BSCL2: variants seen among roughly 807,000 people sequenced by gnomAD.
BSCL2 encodes BSCL2 lipid droplet biogenesis associated, seipin.
In BSCL2, 41 loss-of-function variants were observed where a neutral mutation model predicts 57.4. The observed-to-expected ratio is 0.71, with a 90% confidence interval of 0.56 to 0.93. BSCL2 has a LOEUF of 0.93. BSCL2 is among the 40% of genes least tolerant of loss of function. BSCL2 has a pLI of 0.00. For missense variants in BSCL2, 539 were observed against 586.7 expected, an observed-to-expected ratio of 0.92 and a Z score of 0.84; for synonymous variants, 237 against 227.3, an observed-to-expected ratio of 1.04 and a Z score of -0.38.
chr11:62,708,934 T>A, upstream of BSCL2: 1 of 749,968 alleles, frequency 1.3e-6, no homozygotes. Flanking sequence ...CATGTGAGGT[T>A]ATCTGAAGCA....
At position 62,696,236 on chromosome 11, in the gene BSCL2, C is replaced by G. The variant is rs533558076; in HGVS notation, c.487-1525G>C. ...TGGATTCCATGAGATTCCTACCCCC[C>G]TGTAGAGACCAGATGATTAAGCCAG... On this transcript the variant is annotated intron_variant, in intron 3 of 10. Transcript: ENST00000360796. Among the ~76,000 whole-genome samples the G allele has an allele frequency of 7.3e-5, 11 of 151,402 alleles. No individual in the cohort carries two copies. The East Asian group carries it at 1.9e-3, about 27-fold the overall frequency.
Position 62,702,444 on chromosome 11 carries a change from CCTCT to C in BSCL2, c.486+20_486+23del. 1 of 1,589,978 alleles carries C rather than the reference CCTCT, an allele frequency of 6.3e-7. No individual in the cohort carries two copies. The highest frequency in any genetic ancestry group is 8.6e-7 in the Non-Finnish European group (1 of 1,159,356). ...TTGAGTCATCAAAGCTCTAATGAAACCTCTCTCTAGTTCCCATACTCACCCGATC... is the reference window on the plus strand; with the variant it reads ...TTGAGTCATCAAAGCTCTAATGAAACCTCTAGTTCCCATACTCACCCGATC... On this transcript the variant is annotated intron_variant, in intron 3 of 10. Coordinates refer to ENST00000360796, the MANE Select transcript of BSCL2 (RefSeq NM_001122955.4).
intron 3 of BSCL2, among the ~76,000 whole-genome samples, chr11:62,696,005 T>G (rs983314920): frequency 3.3e-5 from 5 of 152,002 alleles, no homozygotes; most frequent in African/African-American, 1.2e-4. Flanking sequence ...AAACTCTGTC[T>G]CTACTAAAAA....
chr11:62,705,648 C>T (rs750250791), intron 1 of BSCL2, 31 bp from the exon 2 acceptor site: 12 of 1,475,174 alleles, frequency 8.1e-6, no homozygotes, highest in Non-Finnish European at 1.1e-5. Context: ...AAAAGAGTGA[C>T]TCCTTTCCCC....
intron 4 of BSCL2, 93 bp downstream of exon 4, chr11:62,694,475 G>A: frequency 6.3e-7 from 1 of 1,588,584 alleles, no homozygotes; most frequent in African/African-American, 1.3e-5. Context: ...AAACTGCTGG[G>A]ATTATAGGCC....
intron 4 of BSCL2, 52 bp from the exon 5 acceptor site, chr11:62,692,849 T>C: frequency 6.2e-7 from 1 of 1,608,552 alleles, no homozygotes; most frequent in South Asian, 1.1e-5. Context: ...CAGATCCCCA[T>C]GACCCTACCT....
chr11:62,691,418 G>A lies in BSCL2; in HGVS notation c.867C>T (p.Tyr289=), dbSNP rs1282057631. The A allele has an allele frequency of 1.2e-6, 2 of 1,614,162 alleles. No homozygotes were observed. The highest frequency in any genetic ancestry group is 8.5e-7 in the Non-Finnish European group (1 of 1,180,022). The part of the protein sequence containing the change: ...RIHAHFTGLR[Y]LLYNFPMTCA... ...AGGTCATCGGGAAGTTGTATAGCAG[G>A]TATCTGAGGCAGGAAGTAGGGACAA... The change falls in exon 7 of 11, where the codon TAC becomes TAT. Residue 289 remains tyrosine (Y), a synonymous_variant. Coordinates refer to ENST00000360796, the MANE Select transcript of BSCL2 (RefSeq NM_001122955.4).
intron 3 of BSCL2, among the ~76,000 whole-genome samples, chr11:62,697,116 C>T (rs1016643948): frequency 7.2e-4 from 109 of 151,978 alleles, no homozygotes; most frequent in African/African-American, 2.5e-3. Context: ...CCATGCCGGC[C>T]GGGCGCGGTG....
At chr11:62,691,925 G>A (rs1290340532) in intron 6 of BSCL2, among the ~76,000 whole-genome samples, 2 of 152,034 alleles carry the variant, frequency 1.3e-5, no homozygotes, top group Admixed American at 6.6e-5. Context: ...GGTCGCAGGC[G>A]CCTGTAGTCC....
At chr11:62,709,449 A>G (rs1008684566), upstream of BSCL2, 1 of 453,852 alleles carries the variant, frequency 2.2e-6, no homozygotes, top group Admixed American at 2.4e-5. Context: ...AAAGGTAAAC[A>G]GGCCGAAGAG....
At chr11:62,705,215 G>A in intron 2 of BSCL2, 86 bp downstream of exon 2, 2 of 1,388,530 alleles carry the variant, frequency 1.4e-6, no homozygotes, top group Non-Finnish European at 2.0e-6. Flanking sequence ...TTCCTTATCT[G>A]TAAATGAGGG....
intron 4 of BSCL2, among the ~76,000 whole-genome samples, chr11:62,693,453 G>A (rs1012072571): frequency 6.6e-6 from 1 of 152,046 alleles, no homozygotes; most frequent in African/African-American, 2.4e-5. Flanking sequence ...GCCGTGAGCC[G>A]AGATCACGCC....
At chr11:62,692,568 T>C (rs1234352250) in intron 5 of BSCL2, 95 bp from the exon 6 acceptor site, 12 of 1,612,106 alleles carry the variant, frequency 7.4e-6, no homozygotes, top group Non-Finnish European at 1.0e-5. Flanking sequence ...GTCTCTCAGT[T>C]GTGATGTCTC....
At chr11:62,692,281 G>T in intron 6 of BSCL2, 95 bp downstream of exon 6, 1 of 1,304,174 alleles carries the variant, frequency 7.7e-7, no homozygotes, top group South Asian at 1.2e-5. Context: ...AGTCAGCTCT[G>T]CTCTGTAAAC....
chr11:62,699,854 T>A (rs1945588514), intron 3 of BSCL2, among the ~76,000 whole-genome samples: 1 of 151,730 alleles, frequency 6.6e-6, no homozygotes, highest in African/African-American at 2.4e-5. Flanking sequence ...AATTTTTGTA[T>A]TTTTAGTAGA....
intron 2 of BSCL2, among the ~76,000 whole-genome samples, chr11:62,704,984 A>C (rs1435103376): frequency 2.0e-5 from 3 of 151,820 alleles, no homozygotes; most frequent in Non-Finnish European, 4.4e-5. Context: ...TAAAGGGTTG[A>C]GTTGGCTCAA....
chr11:62,694,025 G>A (rs1024164042), intron 4 of BSCL2, among the ~76,000 whole-genome samples: 2 of 151,038 alleles, frequency 1.3e-5, no homozygotes, highest in Non-Finnish European at 2.9e-5. Context: ...TGTTGGTCAG[G>A]CTGGTCTCGA....
At chr11:62,695,353 T>C (rs1390659677) in intron 3 of BSCL2, among the ~76,000 whole-genome samples, 1 of 150,112 alleles carries the variant, frequency 6.7e-6, no homozygotes, top group African/African-American at 2.5e-5. Context: ...CAGTAGTATA[T>C]AAAAATTACA....
chr11:62,706,104 C>T (rs1331557479), intron 1 of BSCL2: 2 of 569,774 alleles, frequency 3.5e-6, no homozygotes, highest in Non-Finnish European at 4.6e-6. Flanking sequence ...CTCACCGACA[C>T]GGCTACACCC....
Sources: allele counts gnomAD v4.1 joint callset (sites outside exome capture counted in the v4.1 genomes callset), GRCh38; gene constraint gnomAD v4.1.1; transcripts MANE v1.5; gene names NCBI Gene and HGNC (gene_info 2026-07-23, HGNC 2026-07-21).